CRACDL: variants seen among roughly 807,000 people sequenced by gnomAD.
The protein encoded by CRACDL is CRACD-like protein.
CRACDL carries 26 observed loss-of-function variants against 70.6 expected under a neutral mutation model. The observed-to-expected ratio is 0.37, with a 90% confidence interval of 0.27 to 0.51. CRACDL has a LOEUF of 0.51. Ranked by LOEUF, CRACDL falls within the 20% of genes least tolerant of loss-of-function variation. The pLI is 0.94. For missense variants in CRACDL, 1,283 were observed against 1,376.9 expected (o/e 0.93, Z 1.08); for synonymous variants, 618 against 615.2 (o/e 1.00, Z -0.07).
chr2:98,811,202 C>CA (rs1704541461), intron 7 of CRACDL, among the ~76,000 whole-genome samples: 1 of 150,812 alleles, frequency 6.6e-6, no homozygotes, highest in South Asian at 2.1e-4. Flanking sequence ...GCCACTATCC[C>CA]TTTTTTTTTG....
chr2:98,822,568 G>A lies in CRACDL; in HGVS notation c.1705C>T (p.Arg569Ter). The change falls in exon 7 of 10, where the codon CGA becomes TGA. Residue 569 changes from arginine to a stop codon, truncating the protein, a stop_gained. Transcript: ENST00000397899. LOFTEE classifies it high-confidence loss of function. This position sits in a 1 kb window ranked among gnomAD's most constrained non-coding sequence, Gnocchi z 4.9. The part of the protein sequence containing the change: ...RKAERGGAEL[R>*]GAKKFSVSSC... ...GACACCGAGAACTTCTTCGCGCCTC[G>A]CAGCTCGGCACCGCCCCTCTCCGCC... 1 of 1,461,334 alleles carries A rather than the reference G, an allele frequency of 6.8e-7. No individual in the cohort carries two copies. Among genetic ancestry groups the A allele is most frequent in the Non-Finnish European group, 9.0e-7 (1 of 1,114,260 alleles). The allele number at this position is 1,461,334 out of a possible 1,614,324, so 90.5% of individuals were successfully genotyped here. A position where few individuals can be genotyped will look rare whatever the true frequency, so the allele number is the denominator to read the frequency against.
Position 98,822,288 on chromosome 2 carries a change from C to T in CRACDL, c.1985G>A (p.Gly662Asp). 2 of 1,549,890 alleles carry T rather than the reference C, an allele frequency of 1.3e-6. No homozygotes were observed. The highest frequency in any genetic ancestry group is 1.7e-6 in the Non-Finnish European group (2 of 1,158,310). Residue 662 changes from glycine to aspartate, a missense_variant, in exon 7 of 10, where the codon GGC becomes GAC. Physicochemically the swap from Gly to Asp is moderately conservative, Grantham distance 94. Coordinates refer to ENST00000397899, the MANE Select transcript of CRACDL (RefSeq NM_207362.3). The surrounding 1 kb of genome is among the most constrained non-coding windows in gnomAD (Gnocchi z 4.9). Reference sequence around the variant, plus strand: ...GGCGGCTGGGCAGGGCTCTCTCGTGCCGGGCGCGGCGGCCGCCTCCTGAGG... The same window carrying T: ...GGCGGCTGGGCAGGGCTCTCTCGTGTCGGGCGCGGCGGCCGCCTCCTGAGG... ...KSPQEAAAAP[G>D]TREPCPAAQE... is the part of the protein sequence containing the mutation.
chr2:98,797,791 TC>T, intron 7 of CRACDL, among the ~76,000 whole-genome samples: 1 of 152,224 alleles, frequency 6.6e-6, no homozygotes, highest in South Asian at 2.1e-4. Flanking sequence ...GCCAACTTCC[TC>T]CTAGGAATCC....
chr2:98,832,809 C>A, intron 4 of CRACDL, 53 bp downstream of exon 4: 4 of 1,607,098 alleles, frequency 2.5e-6, no homozygotes, highest in Non-Finnish European at 3.4e-6. Context: ...TTAAAAACTT[C>A]TTGATGGATA....
At chr2:98,933,832 T>G (rs2104714124) in intron 1 of CRACDL, among the ~76,000 whole-genome samples, 1 of 152,198 alleles carries the variant, frequency 6.6e-6, no homozygotes, top group African/African-American at 2.4e-5. Flanking sequence ...TATAACAAAA[T>G]ACCATAAACC....
At chr2:98,897,287 G>T in intron 1 of CRACDL, 1 of 773,624 alleles carries the variant, frequency 1.3e-6, no homozygotes, top group Non-Finnish European at 1.9e-6. Context: ...ATGTACCGGT[G>T]GTTTGTTCCT....
chr2:98,927,973 G>T (rs1462666200), intron 1 of CRACDL, among the ~76,000 whole-genome samples: 1 of 152,104 alleles, frequency 6.6e-6, no homozygotes, highest in African/African-American at 2.4e-5. Context: ...TTGAGGTCAG[G>T]AGTTCAAGAC....
At chr2:98,929,761 A>C (rs1175575511) in intron 1 of CRACDL, among the ~76,000 whole-genome samples, 1 of 152,092 alleles carries the variant, frequency 6.6e-6, no homozygotes, top group Non-Finnish European at 1.5e-5. Flanking sequence ...TTCAATTTTG[A>C]AGAAAAAAAC....
intron 1 of CRACDL, among the ~76,000 whole-genome samples, chr2:98,903,556 C>A (rs949245468): frequency 1.3e-5 from 2 of 152,138 alleles, no homozygotes; most frequent in South Asian, 2.1e-4. Flanking sequence ...TTCCACCTTG[C>A]GGAAGAAACC....
intron 1 of CRACDL, among the ~76,000 whole-genome samples, chr2:98,876,211 T>C (rs1437179975): frequency 3.3e-5 from 5 of 152,244 alleles, no homozygotes; most frequent in Admixed American, 6.5e-5. Context: ...AGTAAAAATA[T>C]AGGTAATATT....
rs767360786 is a variant in CRACDL at position 98,823,070 on chromosome 2, C to G, written c.1203G>C (p.Pro401=). ...CCCCCTCAGGGATGGCGGTGGGAAA[C>G]GGGCTCGCGACGTCTTCGGGAGCAC... ...VVCAPEDVAS[P]FPTAIPEGDT... Residue 401 remains proline (P), a synonymous_variant, in exon 7 of 10, where the codon CCG becomes CCC. Coordinates refer to ENST00000397899, the MANE Select transcript of CRACDL (RefSeq NM_207362.3). This position sits in a 1 kb window ranked among gnomAD's most constrained non-coding sequence, Gnocchi z 4.0. The G allele has an allele frequency of 1.9e-6, 3 of 1,570,588 alleles. No individual in the cohort carries two copies. Among genetic ancestry groups the G allele is most frequent in the Non-Finnish European group, 2.6e-6 (3 of 1,161,496 alleles).
chr2:98,834,836 C>T (rs1705701155), intron 3 of CRACDL, among the ~76,000 whole-genome samples: 1 of 152,080 alleles, frequency 6.6e-6, no homozygotes, highest in South Asian at 2.1e-4. Context: ...GTGACTTTGA[C>T]TCCACATCCA....
chr2:98,923,442 CCCTAATGGAA>C (rs1208504831), intron 1 of CRACDL, among the ~76,000 whole-genome samples: 1 of 152,046 alleles, frequency 6.6e-6, no homozygotes, highest in Non-Finnish European at 1.5e-5. Context: ...CCAGGACACC[CCCTAATGGAA>C]CCTACTCAAA....
At chr2:98,815,223 T>C (rs1704732707) in intron 7 of CRACDL, among the ~76,000 whole-genome samples, 1 of 152,244 alleles carries the variant, frequency 6.6e-6, no homozygotes, top group African/African-American at 2.4e-5. Context: ...TAGGCTTTCC[T>C]GGTTCTTTGT....
chr2:98,907,955 C>T lies in CRACDL; in HGVS notation c.-11+27983G>A, dbSNP rs1232309864. 3.3e-5 allele frequency among the ~76,000 whole-genome samples: 5 copies of T among 152,274 alleles called. 1 individual carries two copies. The highest frequency in any genetic ancestry group is 3.9e-4 in the East Asian group (2 of 5,180). On this transcript the variant is annotated intron_variant, in intron 1 of 9. Coordinates refer to ENST00000397899, the MANE Select transcript of CRACDL (RefSeq NM_207362.3). ...AAGCAGAAAACCTAATGTTTCTGCA[C>T]GTGTTAAACATCTCTGCAAATTTTG...
intron 1 of CRACDL, among the ~76,000 whole-genome samples, chr2:98,857,744 C>A (rs1010442622): frequency 2.6e-5 from 4 of 151,992 alleles, no homozygotes; most frequent in Non-Finnish European, 4.4e-5. Flanking sequence ...ATAATCAATA[C>A]CAGATAGAAC....
chr2:98,921,725 C>A (rs191361507), intron 1 of CRACDL, among the ~76,000 whole-genome samples: 1 of 152,198 alleles, frequency 6.6e-6, no homozygotes, highest in Non-Finnish European at 1.5e-5. Context: ...GCCAGGGCTG[C>A]TTGACTCACA....
chr2:98,826,368 C>T (rs908914729), intron 6 of CRACDL, among the ~76,000 whole-genome samples: 2 of 152,246 alleles, frequency 1.3e-5, no homozygotes, highest in Non-Finnish European at 2.9e-5. Context: ...CATTCAACAA[C>T]TCTGTGACTA....
intron 1 of CRACDL, among the ~76,000 whole-genome samples, chr2:98,872,674 G>A (rs531679634): frequency 6.6e-6 from 1 of 152,354 alleles, no homozygotes; most frequent in South Asian, 2.1e-4. Context: ...TTTTGCTTCA[G>A]TAAGCCTGGG....
Sources: gnomAD v4.1 joint callset for allele counts (sites outside exome capture counted in the v4.1 genomes callset) on GRCh38, gnomAD v4.1.1 for gene constraint, Gnocchi (gnomAD v3.1) non-coding constraint, MANE v1.5 for transcripts, NCBI Gene and HGNC (gene_info 2026-07-23, HGNC 2026-07-21) for gene names.